FOXN3: variants seen among roughly 807,000 people sequenced by gnomAD.
FOXN3 encodes forkhead box N3.
A neutral mutation model predicts 38.4 loss-of-function variants in FOXN3; 7 were observed. The observed-to-expected ratio is 0.18, with a 90% CI of 0.10 to 0.34. The LOEUF is 0.34. Among genes scored for constraint, FOXN3 ranks in the 10% least tolerant of loss-of-function variants. The probability of loss-of-function intolerance (pLI) is 1.00; values close to 1 mark genes in which losing one functional copy is unlikely to be tolerated. For missense variants in FOXN3, 456 were observed against 613.4 expected (o/e 0.74, Z 2.71); for synonymous variants, 230 against 242.2 (o/e 0.95, Z 0.47).
chr14:89,511,411 G>GC (rs1397733460), intron 1 of FOXN3, among the ~76,000 whole-genome samples: 1 of 150,834 alleles, frequency 6.6e-6, no homozygotes, highest in Non-Finnish European at 1.5e-5. Context: ...TCCCACCTAA[G>GC]CCCCCTGAGT....
intron 1 of FOXN3, among the ~76,000 whole-genome samples, chr14:89,593,628 A>G (rs943830159): frequency 1.7e-4 from 26 of 152,262 alleles, no homozygotes; most frequent in Non-Finnish European, 3.5e-4. Context: ...GAAGAAAATG[A>G]TCTTAGAGGG....
At chr14:89,581,404 C>T (rs1370504797) in intron 1 of FOXN3, among the ~76,000 whole-genome samples, 1 of 151,830 alleles carries the variant, frequency 6.6e-6, no homozygotes, top group Non-Finnish European at 1.5e-5. Flanking sequence ...ATCACTTGAA[C>T]CCAGGAGGCA....
intron 3 of FOXN3, among the ~76,000 whole-genome samples, chr14:89,325,309 ACCACGAC>A (rs1888034623): frequency 1.0e-4 from 13 of 126,450 alleles, no homozygotes; most frequent in African/African-American, 4.0e-4. Flanking sequence ...CAACACCACC[ACCACGAC>A]CACCACCACC....
chr14:89,275,799 C>T (rs1886281913), intron 4 of FOXN3, among the ~76,000 whole-genome samples: 1 of 152,198 alleles, frequency 6.6e-6, no homozygotes, highest in Non-Finnish European at 1.5e-5. Context: ...CTACGGACTG[C>T]GTGTACATTG....
At chr14:89,605,032 T>C (rs1896241090) in intron 1 of FOXN3, among the ~76,000 whole-genome samples, 1 of 141,680 alleles carries the variant, frequency 7.1e-6, no homozygotes, top group Non-Finnish European at 1.5e-5. Context: ...TTATCCTCAC[T>C]AAATGAAACC....
chr14:89,601,521 G>A (rs1896152478), intron 1 of FOXN3, among the ~76,000 whole-genome samples: 1 of 152,166 alleles, frequency 6.6e-6, no homozygotes. Context: ...AAATAAAAAT[G>A]AGGCATTGAA....
At chr14:89,615,526 AACGAAGTGTTCT>A (rs1265272324) in intron 1 of FOXN3, among the ~76,000 whole-genome samples, 3 of 152,216 alleles carry the variant, frequency 2.0e-5, no homozygotes, top group Non-Finnish European at 4.4e-5. Context: ...CCCCTTTCGA[AACGAAGTGTTCT>A]GAGCCAACTA....
At chr14:89,194,013 T>C (rs1294810715) in intron 4 of FOXN3, among the ~76,000 whole-genome samples, 1 of 152,226 alleles carries the variant, frequency 6.6e-6, no homozygotes, top group Non-Finnish European at 1.5e-5. Context: ...TTAAAGTCTT[T>C]TACCCATTTT....
intron 3 of FOXN3, among the ~76,000 whole-genome samples, chr14:89,291,849 T>C (rs964825261): frequency 1.2e-4 from 18 of 152,218 alleles, no homozygotes; most frequent in African/African-American, 4.3e-4. Context: ...GATGCTACAC[T>C]GTGGATGGTA....
intron 2 of FOXN3, among the ~76,000 whole-genome samples, chr14:89,396,880 C>CT (rs113510248): frequency 0.18 from 25,611 of 140,598 alleles, 2,396 homozygotes; most frequent in African/African-American, 0.21. Flanking sequence ...CTGCAGTAGA[C>CT]TTTTTTTTTT....
intron 1 of FOXN3, among the ~76,000 whole-genome samples, chr14:89,606,535 T>C (rs770227668): frequency 6.6e-6 from 1 of 152,020 alleles, no homozygotes; most frequent in Admixed American, 6.6e-5. Flanking sequence ...ATGTGCAAAA[T>C]TTGGAGTGTG....
intron 1 of FOXN3, among the ~76,000 whole-genome samples, chr14:89,414,388 A>G (rs1311063124): frequency 6.6e-6 from 1 of 152,140 alleles, no homozygotes; most frequent in Admixed American, 6.5e-5. Context: ...AACAACTGCC[A>G]CTTCAGCTGT....
In FOXN3 at chr14:89,336,202, TCTC is replaced by T. The variant is rs775573459; in HGVS notation, c.680+14467_680+14469del. Among the ~76,000 whole-genome samples, 15 of 47,898 alleles carry T rather than the reference TCTC, an allele frequency of 3.1e-4. No homozygotes were observed. In the East Asian group the frequency reaches 8.8e-3, roughly 28 times the overall value. 31.4% of individuals were successfully genotyped at this position (47,898 alleles called of 152,430 possible). ...TAATCCTTAGTCACCCCTTCCCCAT[TCTC>T]CTAACGGTGCCTCCATCCATCCATC... is the stretch of plus-strand genomic sequence containing the variant. On this transcript the variant is annotated intron_variant, in intron 3 of 5. Transcript: ENST00000557258.
intron 2 of FOXN3, among the ~76,000 whole-genome samples, chr14:89,407,753 C>T (rs974399884): frequency 4.6e-5 from 7 of 152,110 alleles, no homozygotes; most frequent in African/African-American, 1.7e-4. Context: ...AAGGCTTGAG[C>T]ATGAGAGTCT....
In FOXN3 at chr14:89,164,739, T is replaced by C. The variant is rs1011422680; in HGVS notation, c.852-1770A>G. On this transcript the variant is annotated intron_variant, in intron 5 of 5. Transcript: ENST00000557258. The surrounding 1 kb of genome is among the most constrained non-coding windows in gnomAD (Gnocchi z 4.3). ...CGGGCACACGCTGAGGATACGGCAC[T>C]GGTAGAAGGGCTGTGGGGTCAGGAC... Among the ~76,000 whole-genome samples, 1 of 152,130 alleles carries C rather than the reference T, an allele frequency of 6.6e-6. No individual in the cohort carries two copies. Among genetic ancestry groups the C allele is most frequent in the African/African-American group, 2.4e-5 (1 of 41,428 alleles).
At chr14:89,258,729 G>C (rs567036709) in intron 4 of FOXN3, among the ~76,000 whole-genome samples, 2 of 152,332 alleles carry the variant, frequency 1.3e-5, no homozygotes, top group South Asian at 4.1e-4. Context: ...TCACATGACA[G>C]TATACCTTTC....
intron 1 of FOXN3, among the ~76,000 whole-genome samples, chr14:89,565,283 C>T (rs1282106640): frequency 6.6e-6 from 1 of 152,074 alleles, no homozygotes; most frequent in African/African-American, 2.4e-5. Flanking sequence ...CTTCAGGCTG[C>T]ACAGCCCCGC....
chr14:89,267,998 G>A (rs1303119338), intron 4 of FOXN3, among the ~76,000 whole-genome samples: 2 of 152,100 alleles, frequency 1.3e-5, no homozygotes, highest in African/African-American at 4.8e-5. Flanking sequence ...TCCTGACTCT[G>A]AAAATCCTTC....
At chr14:89,239,530 A>T (rs1885082755) in intron 4 of FOXN3, among the ~76,000 whole-genome samples, 1 of 152,222 alleles carries the variant, frequency 6.6e-6, no homozygotes, top group Non-Finnish European at 1.5e-5. Context: ...TAGAGTCACA[A>T]GGCAAATGAA....
Sources: allele counts gnomAD v4.1 joint callset (sites outside exome capture counted in the v4.1 genomes callset), GRCh38; gene constraint gnomAD v4.1.1; non-coding constraint Gnocchi (gnomAD v3.1); transcripts MANE v1.5; gene names NCBI Gene and HGNC (gene_info 2026-07-23, HGNC 2026-07-21).